Variants in ABCC4 observed in about 807,000 individuals in gnomAD.
The protein encoded by ABCC4 is ATP-binding cassette sub-family C member 4.
ABCC4 carries 102 observed loss-of-function variants against 168.5 expected under a neutral mutation model. That is an observed-to-expected ratio of 0.61 (90% confidence interval 0.52 to 0.71). The LOEUF (loss-of-function observed/expected upper bound fraction) is 0.71. Among genes scored for constraint, ABCC4 ranks in the 30% least tolerant of loss-of-function variants. The pLI is 0.00. For missense variants in ABCC4, 1,402 were observed against 1,605.8 expected, an observed-to-expected ratio of 0.87 and a Z score of 2.17; for synonymous variants, 617 against 590.7, an observed-to-expected ratio of 1.04 and a Z score of -0.65.
At chr13:95,282,530 TTTTTTTA>T (rs2041151071) in intron 1 of ABCC4, among the ~76,000 whole-genome samples, 2 of 148,472 alleles carry the variant, frequency 1.3e-5, no homozygotes, top group Non-Finnish European at 2.9e-5. Flanking sequence ...TTTTCTTTTA[TTTTTTTA>T]TTTTTTATTT....
chr13:95,204,819 A>C (rs1253396754), intron 8 of ABCC4, among the ~76,000 whole-genome samples: 2 of 152,202 alleles, frequency 1.3e-5, no homozygotes, highest in African/African-American at 4.8e-5. Flanking sequence ...GGGGACACTA[A>C]TGCTTATCTC....
chr13:95,170,454 C>A, intron 14 of ABCC4, 78 bp downstream of exon 14: 1 of 801,080 alleles, frequency 1.2e-6, no homozygotes. Flanking sequence ...AAGAAAGGAA[C>A]ATGAAATGGA....
At chr13:95,222,515 G>T (rs9524842) in intron 4 of ABCC4, among the ~76,000 whole-genome samples, 65 of 152,192 alleles carry the variant, frequency 4.3e-4, no homozygotes, top group Admixed American at 3.5e-3. Context: ...AGAAGGGAAG[G>T]GCCCCAGAAG....
chr13:95,159,093 T>TATATA (rs2036982333), intron 19 of ABCC4, among the ~76,000 whole-genome samples: 4 of 61,014 alleles, frequency 6.6e-5, no homozygotes, highest in Non-Finnish European at 1.4e-4. Context: ...TAAATAAATT[T>TATATA]TATATATATA....
chr13:95,125,195 G>C (rs2035715059), intron 19 of ABCC4, among the ~76,000 whole-genome samples: 1 of 152,172 alleles, frequency 6.6e-6, no homozygotes, highest in Non-Finnish European at 1.5e-5. Flanking sequence ...GTTCAGAAAG[G>C]TGTGCTCATG....
At chr13:95,068,466 T>A (rs1189456) in intron 25 of ABCC4, among the ~76,000 whole-genome samples, 142,225 of 152,204 alleles carry the variant, frequency 0.93, 66,550 homozygotes, top group Non-Finnish European at 0.96. Context: ...ATCCACTAAA[T>A]ATACAAAAAT....
intron 25 of ABCC4, among the ~76,000 whole-genome samples, chr13:95,067,242 C>T (rs184154894): frequency 5.3e-5 from 8 of 152,180 alleles, no homozygotes; most frequent in African/African-American, 1.9e-4. Flanking sequence ...ACAGAGATGA[C>T]CGGAAAGGTG....
intron 19 of ABCC4, among the ~76,000 whole-genome samples, chr13:95,127,116 C>T (rs2035808474): frequency 6.6e-6 from 1 of 152,092 alleles, no homozygotes; most frequent in Admixed American, 6.6e-5. Context: ...CAACCCTCTG[C>T]AGTCCCATTC....
chr13:95,060,769 G>A (rs2033258670), intron 26 of ABCC4, among the ~76,000 whole-genome samples: 1 of 152,090 alleles, frequency 6.6e-6, no homozygotes, highest in African/African-American at 2.4e-5. Flanking sequence ...TACTGCTTTT[G>A]CCATTTCAAA....
chr13:95,244,670 A>AAAGAAAGAAATC lies in ABCC4; in HGVS notation c.306+2304_306+2305insGATTTCTTTCTT, dbSNP rs72377318. Among the ~76,000 whole-genome samples the AAAGAAAGAAATC allele has an allele frequency of 1.5e-4, 16 of 106,458 alleles. 1 individual carries two copies. Among genetic ancestry groups the AAAGAAAGAAATC allele is most frequent in the East Asian group, 2.5e-4 (1 of 3,966 alleles). 69.8% of individuals were successfully genotyped at this position (106,458 alleles called of 152,430 possible). ...GAAAGAAAGAAAGAAAGAAAGAAAGAAATCATAGCAGTTCCTGGTACATAG... is the reference window on the plus strand; with the variant it reads ...GAAAGAAAGAAAGAAAGAAAGAAAGAAAGAAAGAAATCAATCATAGCAGTTCCTGGTACATAG... On this transcript the variant is annotated intron_variant, in intron 3 of 30. Transcript: ENST00000645237.
chr13:95,213,267 C>A (rs969336920), intron 4 of ABCC4, among the ~76,000 whole-genome samples: 13 of 152,120 alleles, frequency 8.5e-5, no homozygotes, highest in African/African-American at 2.7e-4. Flanking sequence ...GGCACTGGAC[C>A]ACAGGTAACA....
intron 21 of ABCC4, among the ~76,000 whole-genome samples, chr13:95,082,391 A>G (rs1377319289): frequency 2.6e-5 from 4 of 152,152 alleles, no homozygotes; most frequent in African/African-American, 9.7e-5. Context: ...TGTCTTCCTC[A>G]TGATTCCAAA....
intron 1 of ABCC4, among the ~76,000 whole-genome samples, chr13:95,299,271 A>T (rs2041613925): frequency 6.7e-6 from 1 of 150,114 alleles, no homozygotes; most frequent in East Asian, 1.9e-4. Context: ...CTGTCTCAAA[A>T]AAAAAAAAAA....
intron 1 of ABCC4, among the ~76,000 whole-genome samples, chr13:95,285,978 T>G (rs2041246108): frequency 1.3e-5 from 2 of 152,000 alleles, no homozygotes; most frequent in Non-Finnish European, 2.9e-5. Flanking sequence ...ACCAGACTCT[T>G]CCCTACGTGC....
chr13:95,273,529 C>T (rs2040894504), intron 1 of ABCC4, among the ~76,000 whole-genome samples: 1 of 152,130 alleles, frequency 6.6e-6, no homozygotes, highest in Non-Finnish European at 1.5e-5. Flanking sequence ...GCAACAAGGC[C>T]AGGTGCATTG....
At chr13:95,211,761 G>A (rs1487432360) in intron 4 of ABCC4, among the ~76,000 whole-genome samples, 1 of 152,120 alleles carries the variant, frequency 6.6e-6, no homozygotes, top group Non-Finnish European at 1.5e-5. Flanking sequence ...TTGGCCAGGA[G>A]ACTACTGGAA....
intron 29 of ABCC4, chr13:95,043,449 G>A: frequency 4.6e-6 from 2 of 434,556 alleles, no homozygotes; most frequent in Non-Finnish European, 8.2e-6. Flanking sequence ...TATTTTCATG[G>A]TAAACTTTTA....
intron 1 of ABCC4, among the ~76,000 whole-genome samples, chr13:95,280,434 A>AAAAAAG (rs1223554983): frequency 7.1e-6 from 1 of 140,296 alleles, no homozygotes; most frequent in African/African-American, 2.6e-5. Flanking sequence ...AAAAAAAAAA[A>AAAAAAG]GGCCTAAGGC....
intron 19 of ABCC4, among the ~76,000 whole-genome samples, chr13:95,160,513 C>A (rs2037061209): frequency 6.6e-6 from 1 of 152,094 alleles, no homozygotes; most frequent in Non-Finnish European, 1.5e-5. Flanking sequence ...GTTGGGTATA[C>A]CTAGGAAACA....
Sources: gnomAD v4.1 joint callset for allele counts (sites outside exome capture counted in the v4.1 genomes callset) on GRCh38, gnomAD v4.1.1 for gene constraint, MANE v1.5 for transcripts, NCBI Gene and HGNC (gene_info 2026-07-23, HGNC 2026-07-21) for gene names.